Variants in GDI2 observed in about 807,000 individuals in gnomAD.
GDI2 encodes the protein rab GDP dissociation inhibitor beta.
In GDI2, 22 loss-of-function variants were observed where a neutral mutation model predicts 54.2. The ratio of observed to expected loss-of-function variants is 0.41; its 90% CI spans 0.29 to 0.58. The LOEUF is 0.58. Among genes scored for constraint, GDI2 ranks in the 20% least tolerant of loss-of-function variants. The probability of loss-of-function intolerance (pLI) is 0.35; values close to 1 mark genes in which losing one functional copy is unlikely to be tolerated. For missense variants in GDI2, 422 were observed against 546.0 expected (o/e 0.77, Z 2.26); for synonymous variants, 177 against 182.1 (o/e 0.97, Z 0.23).
At chr10:5,803,385 C>T (rs1841310698) in intron 1 of GDI2, among the ~76,000 whole-genome samples, 1 of 152,112 alleles carries the variant, frequency 6.6e-6, no homozygotes, top group South Asian at 2.1e-4. Flanking sequence ...GATAAGGCCA[C>T]TGCACTTCAG....
chr10:5,804,540 CTA>C (rs1841335268), intron 1 of GDI2, among the ~76,000 whole-genome samples: 1 of 152,184 alleles, frequency 6.6e-6, no homozygotes, highest in African/African-American at 2.4e-5. Context: ...CTTCTGAACT[CTA>C]AAAATCTAAT....
At chr10:5,791,728 G>A (rs1330781456) in intron 4 of GDI2, among the ~76,000 whole-genome samples, 1 of 139,410 alleles carries the variant, frequency 7.2e-6, no homozygotes, top group Non-Finnish European at 1.5e-5. Context: ...CAACAAGAGC[G>A]AAACTCCGTC....
Position 5,796,348 on chromosome 10 carries a change from CA to C in GDI2, c.253+414del, listed in dbSNP as rs60804301. 8.8e-4 allele frequency among the ~76,000 whole-genome samples: 126 copies of C among 143,776 alleles called. 2 individuals are homozygous for C. The East Asian group carries it at 0.014, about 16-fold the overall frequency. 94.3% of individuals were successfully genotyped at this position (143,776 alleles called of 152,430 possible). ...TGGGTGACAGAGCGAGACTCCGTCT[CA>C]AAAAAAAAAAAAGAAAAAGAAAACT... is the stretch of plus-strand genomic sequence containing the variant. On this transcript the variant is annotated intron_variant, in intron 3 of 10. Coordinates refer to ENST00000380191, the MANE Select transcript of GDI2 (RefSeq NM_001494.4).
At chr10:5,788,158 A>G (rs1840918651) in intron 4 of GDI2, among the ~76,000 whole-genome samples, 1 of 152,192 alleles carries the variant, frequency 6.6e-6, no homozygotes, top group Non-Finnish European at 1.5e-5. Context: ...CCTAATTGAA[A>G]AAGTTCAAAT....
chr10:5,803,526 A>G (rs917416257), intron 1 of GDI2, among the ~76,000 whole-genome samples: 7 of 152,370 alleles, frequency 4.6e-5, no homozygotes, highest in East Asian at 1.9e-4. Context: ...CATTTCTAAT[A>G]TGATAAATAT....
At chr10:5,806,091 C>T (rs1841374489) in intron 1 of GDI2, among the ~76,000 whole-genome samples, 1 of 152,168 alleles carries the variant, frequency 6.6e-6, no homozygotes, top group East Asian at 1.9e-4. Flanking sequence ...TCAACTTCAA[C>T]AGATATTACC....
intron 2 of GDI2, among the ~76,000 whole-genome samples, chr10:5,800,332 G>A (rs1295252045): frequency 1.3e-5 from 2 of 152,100 alleles, no homozygotes; most frequent in East Asian, 1.9e-4. Flanking sequence ...GGAAAGCACT[G>A]GACTTGCGCT....
Position 5,773,923 on chromosome 10 carries a change from T to A in GDI2, c.738A>T (p.Gly246=). 1 of 1,507,308 alleles carries A rather than the reference T, an allele frequency of 6.6e-7. No individual in the cohort carries two copies. Among genetic ancestry groups the A allele is most frequent in the Non-Finnish European group, 9.2e-7 (1 of 1,092,004 alleles). 93.4% of individuals were successfully genotyped at this position (1,507,308 alleles called of 1,614,324 possible). A position where few individuals can be genotyped will look rare whatever the true frequency, so the allele number is the denominator to read the frequency against. The change falls in exon 7 of 11, where the codon GGA becomes GGT. Residue 246 remains glycine, a synonymous_variant. Coordinates refer to ENST00000380191, the MANE Select transcript of GDI2 (RefSeq NM_001494.4). ...QGFARLSAIY[G]GTYMLNKPIE... The stretch of plus-strand genomic sequence containing the variant: ...TGGGTTTATTCAGCATATAGGTACC[T>A]CCATAAATAGCACTTAGCCTGGAAA...
At chr10:5,789,590 T>C (rs1425436160) in intron 4 of GDI2, among the ~76,000 whole-genome samples, 1 of 152,120 alleles carries the variant, frequency 6.6e-6, no homozygotes, top group African/African-American at 2.4e-5. Flanking sequence ...CCCAGCAGAT[T>C]TGTGACAATT....
At chr10:5,781,843 C>T (rs1004457722) in intron 6 of GDI2, among the ~76,000 whole-genome samples, 3 of 151,702 alleles carry the variant, frequency 2.0e-5, no homozygotes, top group African/African-American at 4.8e-5. Flanking sequence ...GGCAAAACCC[C>T]GTCTACCCAA....
At chr10:5,809,360 C>CT (rs1564401037) in intron 1 of GDI2, among the ~76,000 whole-genome samples, 1 of 152,058 alleles carries the variant, frequency 6.6e-6, no homozygotes, top group Non-Finnish European at 1.5e-5. Context: ...TTTCACATTT[C>CT]TTAGCCTAGA....
At chr10:5,798,638 GAAAAA>G (rs992661399) in intron 2 of GDI2, among the ~76,000 whole-genome samples, 4 of 150,768 alleles carry the variant, frequency 2.7e-5, no homozygotes, top group African/African-American at 9.8e-5. Context: ...CATCTGGGGA[GAAAAA>G]AAAGAAAAGA....
chr10:5,783,293 T>A (rs1840802894), intron 6 of GDI2, among the ~76,000 whole-genome samples: 1 of 146,794 alleles, frequency 6.8e-6, no homozygotes, highest in African/African-American at 2.5e-5. Context: ...TGGTGTCCAT[T>A]TACATGAAAT....
At chr10:5,809,212 T>A (rs185518006) in intron 1 of GDI2, among the ~76,000 whole-genome samples, 244 of 139,264 alleles carry the variant, frequency 1.8e-3, no homozygotes, top group Non-Finnish European at 2.0e-3. Context: ...ATCACTGTAC[T>A]CCAGCCTGGG....
chr10:5,780,318 C>T (rs866816685), intron 6 of GDI2, among the ~76,000 whole-genome samples: 5 of 134,982 alleles, frequency 3.7e-5, no homozygotes, highest in Middle Eastern at 3.9e-3. Context: ...CTATAGAAAA[C>T]ATATTTAATA....
At chr10:5,771,224 C>G (rs186453418) in intron 7 of GDI2, among the ~76,000 whole-genome samples, 3 of 152,168 alleles carry the variant, frequency 2.0e-5, no homozygotes, top group Admixed American at 1.3e-4. Context: ...GATATATGAA[C>G]TGTAAATCCT....
chr10:5,789,854 C>T (rs552206523), intron 4 of GDI2, among the ~76,000 whole-genome samples: 1 of 152,268 alleles, frequency 6.6e-6, no homozygotes, highest in African/African-American at 2.4e-5. Context: ...ACATACTGTA[C>T]TACTGTAATA....
intron 4 of GDI2, among the ~76,000 whole-genome samples, chr10:5,789,938 A>C (rs1257388829): frequency 6.6e-6 from 1 of 152,206 alleles, no homozygotes; most frequent in Non-Finnish European, 1.5e-5. Context: ...ATGTGACAAT[A>C]ATCATCTCTG....
At chr10:5,809,229 A>G (rs1390093458) in intron 1 of GDI2, among the ~76,000 whole-genome samples, 1 of 124,624 alleles carries the variant, frequency 8.0e-6, no homozygotes, top group Non-Finnish European at 1.8e-5. Context: ...TGGGCAACAG[A>G]GTGAGACTCC....
Sources: allele counts gnomAD v4.1 joint callset (sites outside exome capture counted in the v4.1 genomes callset), GRCh38; gene constraint gnomAD v4.1.1; transcripts MANE v1.5; gene names NCBI Gene and HGNC (gene_info 2026-07-23, HGNC 2026-07-21).